Variants in GPR158 observed in about 807,000 individuals in gnomAD.
GPR158 encodes metabotropic glycine receptor.
Under a neutral mutation model 78.2 loss-of-function variants are expected in GPR158, and 30 were observed. The observed-to-expected ratio is 0.38, with a 90% confidence interval of 0.29 to 0.52. GPR158 has a LOEUF of 0.52. GPR158 is among the 20% of genes least tolerant of loss of function. The probability of loss-of-function intolerance (pLI) is 0.83; values close to 1 mark genes in which losing one functional copy is unlikely to be tolerated. For missense variants in GPR158, 1,463 were observed against 1,523.5 expected, an observed-to-expected ratio of 0.96 and a Z score of 0.66; for synonymous variants, 581 against 591.1, an observed-to-expected ratio of 0.98 and a Z score of 0.25.
intron 1 of GPR158, among the ~76,000 whole-genome samples, chr10:25,212,307 G>C (rs1853142372): frequency 6.6e-6 from 1 of 152,128 alleles, no homozygotes; most frequent in South Asian, 2.1e-4. Flanking sequence ...GTGTGAGCAG[G>C]CGTCTTACAT....
intron 2 of GPR158, among the ~76,000 whole-genome samples, chr10:25,262,645 C>T (rs1853983739): frequency 6.6e-6 from 1 of 152,166 alleles, no homozygotes; most frequent in South Asian, 2.1e-4. Context: ...CTATCCCTCA[C>T]ATGTGGAACC....
intron 5 of GPR158, among the ~76,000 whole-genome samples, chr10:25,476,938 T>C (rs530833286): frequency 3.4e-4 from 52 of 152,246 alleles, no homozygotes; most frequent in African/African-American, 1.1e-3. Context: ...GGATGGACCA[T>C]GTTATTGAGC....
chr10:25,248,948 C>T (rs918908012), intron 2 of GPR158, among the ~76,000 whole-genome samples: 1 of 150,832 alleles, frequency 6.6e-6, no homozygotes. Flanking sequence ...TACCCATGAG[C>T]ATGGAATGTT....
At chr10:25,462,354 C>T (rs1835367644) in intron 4 of GPR158, among the ~76,000 whole-genome samples, 1 of 152,194 alleles carries the variant, frequency 6.6e-6, no homozygotes, top group African/African-American at 2.4e-5. Flanking sequence ...TGACAATGCA[C>T]ATAGTCACCC....
intron 2 of GPR158, among the ~76,000 whole-genome samples, chr10:25,325,447 A>G (rs1165691761): frequency 7.3e-6 from 1 of 137,642 alleles, no homozygotes; most frequent in Non-Finnish European, 1.6e-5. Flanking sequence ...ATATATATGT[A>G]TGTCTAAGTA....
In GPR158 at chr10:25,176,100, G is replaced by A. The variant is rs757628749; in HGVS notation, c.680G>A (p.Arg227Gln). The change falls in exon 1 of 11, where the codon CGG (arginine) becomes CAG (glutamine). Residue 227 changes from arginine (R) to glutamine (Q), a missense_variant. By Grantham distance (43) the Arg-to-Gln change is conservative (BLOSUM62 1). Coordinates refer to ENST00000376351, the MANE Select transcript of GPR158 (RefSeq NM_020752.3). This position sits in a 1 kb window ranked among gnomAD's most constrained non-coding sequence, Gnocchi z 6.3. ...GAGACCGAGTGGTTCCACGGCCTCC[G>A]GCGCAAGTGGAGGCCCCACTTACAC... ...TLETEWFHGL[R>Q]RKWRPHLHRR... 7 of 1,584,620 alleles carry A rather than the reference G, an allele frequency of 4.4e-6. No individual in the cohort carries two copies. The highest frequency in any genetic ancestry group is 6.0e-6 in the Non-Finnish European group (7 of 1,166,520).
chr10:25,433,531 G>GGTGTGTGTGT (rs1554803584), intron 4 of GPR158, among the ~76,000 whole-genome samples: 2 of 140,290 alleles, frequency 1.4e-5, no homozygotes, highest in African/African-American at 5.5e-5. Flanking sequence ...TTTAGTTAGG[G>GGTGTGTGTGT]GTGTGTGTGT....
chr10:25,363,634 G>A (rs985104662), intron 2 of GPR158, among the ~76,000 whole-genome samples: 1 of 151,852 alleles, frequency 6.6e-6, no homozygotes, highest in African/African-American at 2.4e-5. Context: ...ATCTTACAAT[G>A]AGGTGATCCC....
chr10:25,374,377 A>G (rs567719422), intron 2 of GPR158, among the ~76,000 whole-genome samples: 8 of 151,838 alleles, frequency 5.3e-5, no homozygotes, highest in Admixed American at 3.9e-4. Context: ...TATCAAAACT[A>G]GGAAACTGTC....
chr10:25,383,712 A>G (rs1834186982), intron 2 of GPR158, among the ~76,000 whole-genome samples: 1 of 152,222 alleles, frequency 6.6e-6, no homozygotes. Flanking sequence ...ATGATCCAGC[A>G]AACTGGTCCA....
intron 2 of GPR158, among the ~76,000 whole-genome samples, chr10:25,283,566 C>T (rs1174398400): frequency 6.6e-6 from 1 of 151,782 alleles, no homozygotes; most frequent in African/African-American, 2.4e-5. Flanking sequence ...TAAAATAACT[C>T]GCTTTTGGTT....
At chr10:25,421,657 A>G (rs1834753474) in intron 4 of GPR158, among the ~76,000 whole-genome samples, 1 of 152,210 alleles carries the variant, frequency 6.6e-6, no homozygotes, top group African/African-American at 2.4e-5. Flanking sequence ...CTTAAATCTT[A>G]TTCTATTGAA....
At chr10:25,412,525 C>T in intron 4 of GPR158, 52 bp downstream of exon 4, 1 of 1,249,994 alleles carries the variant, frequency 8.0e-7, no homozygotes, top group Non-Finnish European at 1.2e-6. Context: ...AACCTCTTAT[C>T]TTTTTAAGCA....
chr10:25,599,146 TG>T lies in GPR158; in HGVS notation c.3523del (p.Glu1175SerfsTer14), dbSNP rs776143833. Reference sequence around the variant, plus strand: ...AACATCACGAGCAGAGGTTTGTCCTTGGGAGTTTGAGACCCCAGCTCAACCA... The same window carrying T: ...AACATCACGAGCAGAGGTTTGTCCTTGGAGTTTGAGACCCCAGCTCAACCA... ...PLTSRAEVCPWEFETPAQPNA... is the reference protein window; with the variant it reads ...PLTSRAEVCPXEFETPAQPNA... On this transcript the variant is annotated frameshift_variant, in exon 11 of 11. Transcript: ENST00000376351. LOFTEE classifies it high-confidence loss of function. 5.6e-6 allele frequency: 9 copies of T among 1,611,192 alleles called. No homozygotes were observed. The East Asian group carries it at 2.0e-4, about 36-fold the overall frequency.
chr10:25,340,611 C>T (rs879681762), intron 2 of GPR158, among the ~76,000 whole-genome samples: 2 of 151,766 alleles, frequency 1.3e-5, no homozygotes, highest in African/African-American at 4.8e-5. Flanking sequence ...GATGTAAGAG[C>T]GGATGAGATA....
chr10:25,371,232 G>T (rs1233926508), intron 2 of GPR158, among the ~76,000 whole-genome samples: 1 of 150,242 alleles, frequency 6.7e-6, no homozygotes, highest in Non-Finnish European at 1.5e-5. Flanking sequence ...TGGTTATTTT[G>T]CTCATTAGTT....
intron 6 of GPR158, among the ~76,000 whole-genome samples, chr10:25,568,407 A>AAGAAGTAGGAAGAAAGTAGGAAGAG (rs1379498558): frequency 1.3e-5 from 2 of 152,220 alleles, no homozygotes; most frequent in African/African-American, 4.8e-5. Context: ...GGAGCTAGCC[A>AAGAAGTAGGAAGAAAGTAGGAAGAG]AGAAGTAGGA....
At chr10:25,283,542 T>C (rs144362055) in intron 2 of GPR158, among the ~76,000 whole-genome samples, 140 of 152,128 alleles carry the variant, frequency 9.2e-4, no homozygotes, top group African/African-American at 3.3e-3. Context: ...AATGGGTTAA[T>C]GTTGTTAATC....
intron 2 of GPR158, among the ~76,000 whole-genome samples, chr10:25,236,758 A>G (rs973423900): frequency 6.6e-6 from 1 of 152,074 alleles, no homozygotes; most frequent in African/African-American, 2.4e-5. Context: ...GTTTTCTCCT[A>G]TGTGCCACTG....
Sources: gnomAD v4.1 joint callset for allele counts (sites outside exome capture counted in the v4.1 genomes callset) on GRCh38, gnomAD v4.1.1 for gene constraint, Gnocchi (gnomAD v3.1) non-coding constraint, MANE v1.5 for transcripts, NCBI Gene and HGNC (gene_info 2026-07-23, HGNC 2026-07-21) for gene names.